Variants in WDFY3 observed in about 807,000 individuals in gnomAD.
WDFY3 encodes the protein WD repeat and FYVE domain containing 3, also known as WD repeat and FYVE domain-containing protein 3.
Under a neutral mutation model 409.6 loss-of-function variants are expected in WDFY3, and 66 were observed. That is an observed-to-expected ratio of 0.16 (90% CI 0.13 to 0.20). The LOEUF is 0.20. Ranked by LOEUF, WDFY3 falls within the 10% of genes least tolerant of loss-of-function variation. WDFY3 has a pLI of 1.00. For missense variants in WDFY3, 3,031 were observed against 4,298.1 expected, an observed-to-expected ratio of 0.71 and a Z score of 8.24; for synonymous variants, 1,521 against 1,537.1, an observed-to-expected ratio of 0.99 and a Z score of 0.25.
intron 1 of WDFY3, among the ~76,000 whole-genome samples, chr4:84,943,010 G>A (rs1772338952): frequency 6.6e-6 from 1 of 152,078 alleles, no homozygotes; most frequent in Non-Finnish European, 1.5e-5. Context: ...AATTATATGT[G>A]GATTTTCTTC....
chr4:84,841,363 T>C, intron 5 of WDFY3, 100 bp from the exon 6 acceptor site: 5 of 932,716 alleles, frequency 5.4e-6, no homozygotes, highest in South Asian at 1.5e-5. Flanking sequence ...ACTAAGCACA[T>C]AATTATATCA....
rs1579280129 is a variant in WDFY3 at position 84,955,020 on chromosome 4, T to C, written c.-226+11189A>G. Among the ~76,000 whole-genome samples, 3 of 152,080 alleles carry C rather than the reference T, an allele frequency of 2.0e-5. No individual in the cohort carries two copies. The South Asian group carries it at 6.2e-4, about 32-fold the overall frequency. ...AGGAGTTGAAGACCAGCCTGGCCAATATGGCAAAACTCCGTCTTTGCAAAA... is the reference window on the plus strand; with the variant it reads ...AGGAGTTGAAGACCAGCCTGGCCAACATGGCAAAACTCCGTCTTTGCAAAA... On this transcript the variant is annotated intron_variant, in intron 1 of 67. Coordinates refer to ENST00000295888, the MANE Select transcript of WDFY3 (RefSeq NM_014991.6).
chr4:84,847,189 G>A (rs1412060243), intron 5 of WDFY3, among the ~76,000 whole-genome samples: 1 of 151,912 alleles, frequency 6.6e-6, no homozygotes, highest in African/African-American at 2.4e-5. Flanking sequence ...TATCTTCCAA[G>A]CAGAGACTGG....
At chr4:84,946,326 C>A (rs896059627) in intron 1 of WDFY3, among the ~76,000 whole-genome samples, 1 of 152,162 alleles carries the variant, frequency 6.6e-6, no homozygotes, top group African/African-American at 2.4e-5. Flanking sequence ...CCTTCTCTTT[C>A]CCTTTAAATA....
chr4:84,828,001 T>C lies in WDFY3; in HGVS notation c.956+1003A>G, dbSNP rs539840606. On this transcript the variant is annotated intron_variant, in intron 9 of 67. Coordinates refer to ENST00000295888, the MANE Select transcript of WDFY3 (RefSeq NM_014991.6). ...TACTTAGGAAACTGAGATAGGAGGA[T>C]CTCTTGAGTTAAAAATTATATCGAG... Among the ~76,000 whole-genome samples the C allele has an allele frequency of 4.6e-5, 7 of 150,994 alleles. No individual in the cohort carries two copies. The South Asian group carries it at 1.5e-3, about 32-fold the overall frequency.
At chr4:84,680,987 A>G (rs1216197762) in intron 64 of WDFY3, among the ~76,000 whole-genome samples, 1 of 152,184 alleles carries the variant, frequency 6.6e-6, no homozygotes, top group Non-Finnish European at 1.5e-5. Flanking sequence ...CCTACTCAGT[A>G]GGGGGCTATT....
chr4:84,781,953 CACTA>C (rs1281985365), intron 25 of WDFY3, among the ~76,000 whole-genome samples: 5 of 152,128 alleles, frequency 3.3e-5, no homozygotes, highest in Admixed American at 1.3e-4. Flanking sequence ...ACCAGCACAA[CACTA>C]ACTTTTTATT....
intron 2 of WDFY3, among the ~76,000 whole-genome samples, chr4:84,931,480 T>C (rs1770758191): frequency 6.6e-6 from 1 of 152,156 alleles, no homozygotes; most frequent in Non-Finnish European, 1.5e-5. Context: ...AATGTGATGA[T>C]AGCTAGTTCC....
chr4:84,862,997 A>G (rs1760867604), intron 3 of WDFY3, among the ~76,000 whole-genome samples: 11 of 152,196 alleles, frequency 7.2e-5, no homozygotes, highest in Admixed American at 7.2e-4. Flanking sequence ...CATTTAGTAT[A>G]ATGTTCTCAA....
chr4:84,849,487 A>C (rs1367987308), intron 5 of WDFY3, among the ~76,000 whole-genome samples: 1 of 150,676 alleles, frequency 6.6e-6, no homozygotes, highest in Non-Finnish European at 1.5e-5. Context: ...TTAAAATAAG[A>C]GTATACACAT....
intron 32 of WDFY3, among the ~76,000 whole-genome samples, chr4:84,764,819 C>G (rs1006605137): frequency 1.3e-5 from 2 of 149,950 alleles, no homozygotes; most frequent in African/African-American, 4.9e-5. Context: ...GAGCCAAGAT[C>G]GTGCCACTGC....
chr4:84,913,808 T>C (rs1220639205), intron 2 of WDFY3, among the ~76,000 whole-genome samples: 2 of 150,624 alleles, frequency 1.3e-5, no homozygotes, highest in African/African-American at 4.9e-5. Context: ...TGACACCAAG[T>C]GTGCCTGCCT....
Position 84,690,487 on chromosome 4 carries a change from T to A in WDFY3, c.9363+19A>T. 6.2e-7 allele frequency: 1 copy of A among 1,614,088 alleles called. No homozygotes were observed. The highest frequency in any genetic ancestry group is 2.2e-5 in the East Asian group (1 of 44,878). ...AGATGGACTATGTCCTTCTTGGCAT[T>A]TTCTATGTTCTCTCTTACCTGTTTG... On this transcript the variant is annotated intron_variant, in intron 61 of 67. Coordinates refer to ENST00000295888, the MANE Select transcript of WDFY3 (RefSeq NM_014991.6).
intron 40 of WDFY3, among the ~76,000 whole-genome samples, chr4:84,738,663 T>C (rs1376619209): frequency 6.6e-6 from 1 of 151,962 alleles, no homozygotes; most frequent in Non-Finnish European, 1.5e-5. Flanking sequence ...ATTGATAACC[T>C]GTCTCAAGCA....
intron 45 of WDFY3, among the ~76,000 whole-genome samples, chr4:84,725,022 T>C (rs1735442357): frequency 6.6e-6 from 1 of 152,162 alleles, no homozygotes; most frequent in Non-Finnish European, 1.5e-5. Context: ...GGCCTAAAGG[T>C]CCACACACTC....
intron 51 of WDFY3, among the ~76,000 whole-genome samples, chr4:84,712,077 G>A (rs1387471235): frequency 7.9e-5 from 12 of 151,696 alleles, no homozygotes; most frequent in Middle Eastern, 3.4e-3. Flanking sequence ...CAATCCCAGC[G>A]CTTTGAGGGG....
chr4:84,880,061 G>C (rs1396440328), intron 3 of WDFY3, among the ~76,000 whole-genome samples: 1 of 152,142 alleles, frequency 6.6e-6, no homozygotes, highest in Non-Finnish European at 1.5e-5. Context: ...CTTGCAATGG[G>C]GAGATTATTC....
intron 21 of WDFY3, among the ~76,000 whole-genome samples, chr4:84,791,588 T>A (rs1417529624): frequency 6.6e-6 from 1 of 152,158 alleles, no homozygotes; most frequent in Admixed American, 6.5e-5. Flanking sequence ...CAGTATGGGT[T>A]AGAAAAAGAA....
At chr4:84,840,772 G>A (rs980939926) in intron 6 of WDFY3, among the ~76,000 whole-genome samples, 2 of 151,086 alleles carry the variant, frequency 1.3e-5, no homozygotes, top group East Asian at 3.9e-4. Context: ...AAGAGATTGG[G>A]GTCTCTCTAT....
Sources: gnomAD v4.1 joint callset for allele counts (sites outside exome capture counted in the v4.1 genomes callset) on GRCh38, gnomAD v4.1.1 for gene constraint, MANE v1.5 for transcripts, NCBI Gene and HGNC (gene_info 2026-07-23, HGNC 2026-07-21) for gene names.